CMTM4: variants seen among roughly 807,000 people sequenced by gnomAD.
CMTM4 encodes the protein CKLF-like MARVEL transmembrane domain-containing protein 4.
Under a neutral mutation model 19.0 loss-of-function variants are expected in CMTM4, and 8 were observed. The observed-to-expected ratio is 0.42, with a 90% CI of 0.25 to 0.76. The LOEUF is 0.76. Among genes scored for constraint, CMTM4 ranks in the 30% least tolerant of loss-of-function variants. CMTM4 has a pLI of 0.27. For synonymous variants in CMTM4, 106 were observed against 121.1 expected, an observed-to-expected ratio of 0.88 and a Z score of 0.82; for missense variants, 228 against 290.2, an observed-to-expected ratio of 0.79 and a Z score of 1.56.
intron 2 of CMTM4, among the ~76,000 whole-genome samples, chr16:66,631,154 CCGGGAGGGAGG>C (rs2015855498): frequency 6.6e-6 from 1 of 151,746 alleles, no homozygotes; most frequent in African/African-American, 2.4e-5. Flanking sequence ...GCCACCCCGT[CCGGGAGGGAGG>C]TGGGGGTCAG....
In CMTM4 at chr16:66,642,269, G is replaced by A. The variant is rs542559228; in HGVS notation, c.187-5688C>T. ...TATAACAACCTTGAAGTGAGCAAAT[G>A]TCACGTGAACAAATTATACAGAGAT... On this transcript the variant is annotated intron_variant, in intron 1 of 3. Coordinates refer to ENST00000394106, the MANE Select transcript of CMTM4 (RefSeq NM_181521.3). Among the ~76,000 whole-genome samples, 4 of 152,276 alleles carry A rather than the reference G, an allele frequency of 2.6e-5. No individual in the cohort carries two copies. In the South Asian group the frequency reaches 8.3e-4, roughly 32 times the overall value.
intron 2 of CMTM4, among the ~76,000 whole-genome samples, chr16:66,626,697 G>A (rs1040412948): frequency 2.0e-5 from 3 of 151,880 alleles, no homozygotes; most frequent in African/African-American, 7.3e-5. Flanking sequence ...GTGAATCCAG[G>A]AGGCAGAGGT....
chr16:66,683,427 G>A (rs1214629290), intron 1 of CMTM4, among the ~76,000 whole-genome samples: 1 of 148,684 alleles, frequency 6.7e-6, no homozygotes, highest in Non-Finnish European at 1.5e-5. Flanking sequence ...GAGCAGCTGG[G>A]ACTACAGGCG....
intron 2 of CMTM4, among the ~76,000 whole-genome samples, chr16:66,626,372 G>A (rs977644594): frequency 1.3e-5 from 2 of 152,228 alleles, no homozygotes; most frequent in Non-Finnish European, 2.9e-5. Context: ...GGGAGGCCAA[G>A]GTGAGTGGAC....
chr16:66,629,940 G>A (rs925336713), intron 2 of CMTM4, among the ~76,000 whole-genome samples: 3 of 152,184 alleles, frequency 2.0e-5, no homozygotes, highest in Non-Finnish European at 4.4e-5. Context: ...CCATGTGGCT[G>A]TTCCTGAGTT....
intron 1 of CMTM4, among the ~76,000 whole-genome samples, chr16:66,657,115 C>T (rs540029515): frequency 1.4e-5 from 2 of 146,700 alleles, no homozygotes; most frequent in South Asian, 4.3e-4. Context: ...GATGGAGTCT[C>T]GCTCTGTCAC....
At chr16:66,609,483 A>G in the CMTM4 span, 12 of 1,611,706 alleles carry the variant, frequency 7.4e-6, no homozygotes, top group South Asian at 1.1e-4. This position sits in a 1 kb window ranked among gnomAD's most constrained non-coding sequence, Gnocchi z 4.4. Flanking sequence ...TGCTATCTCC[A>G]TCACGGCCAT....
At chr16:66,680,503 G>A (rs2016890736) in intron 1 of CMTM4, among the ~76,000 whole-genome samples, 1 of 145,072 alleles carries the variant, frequency 6.9e-6, no homozygotes, top group Admixed American at 7.0e-5. Context: ...GGTCGGGCAT[G>A]GTGGCTCATG....
Position 66,618,039 on chromosome 16 carries a change from G to A in CMTM4, c.*4019C>T. On this transcript the variant is annotated 3_prime_UTR_variant, in exon 4 of 4. Transcript: ENST00000394106. ...CCTTATCTCCCAGACCTGGCCGTGT[G>A]TGGACCTCACCAGCCTACCAAGCTG... The A allele has an allele frequency of 1.2e-5, 12 of 985,620 alleles. No homozygotes were observed. Among genetic ancestry groups the A allele is most frequent in the Non-Finnish European group, 1.3e-5 (11 of 830,058 alleles). 61.1% of individuals were successfully genotyped at this position (985,620 alleles called of 1,614,324 possible).
At chr16:66,647,574 GGA>G (rs1567415099) in intron 1 of CMTM4, among the ~76,000 whole-genome samples, 3 of 152,208 alleles carry the variant, frequency 2.0e-5, no homozygotes, top group African/African-American at 7.2e-5. Flanking sequence ...AGGAGACTGG[GGA>G]AGAAGTTGGA....
At chr16:66,609,368 G>A in the CMTM4 span, 1 of 1,411,376 alleles carries the variant, frequency 7.1e-7, no homozygotes, top group South Asian at 1.2e-5. The surrounding 1 kb of genome is among the most constrained non-coding windows in gnomAD (Gnocchi z 4.4). Flanking sequence ...CGACCAGGCT[G>A]CCAGGCCTCC....
chr16:66,696,418 C>A lies in CMTM4; in HGVS notation c.108G>T (p.Gln36His). The change falls in exon 1 of 4, where the codon CAG becomes CAT. Residue 36 changes from glutamine (Q) to histidine (H), a missense_variant. By Grantham distance (24) the Gln-to-His change is conservative (BLOSUM62 0). This residue lies in a region of CMTM4 where 200 missense variants were observed against 226.6 expected (regional missense o/e 0.88). Coordinates refer to ENST00000394106, the MANE Select transcript of CMTM4 (RefSeq NM_181521.3). The surrounding 1 kb of genome is among the most constrained non-coding windows in gnomAD (Gnocchi z 4.3). ...PYQPTTEPVS[Q>H]RRGLAGLRCD... ...AGCGCAGGCCGGCCAGCCCGCGGCG[C>A]TGGCTCACCGGCTCGGTGGTGGGCT... 1 of 1,402,740 alleles carries A rather than the reference C, an allele frequency of 7.1e-7. No individual in the cohort carries two copies. The highest frequency in any genetic ancestry group is 1.4e-5 in the South Asian group (1 of 69,568). The allele number at this position is 1,402,740 out of a possible 1,614,324, so 86.9% of individuals were successfully genotyped here. A position where few individuals can be genotyped will look rare whatever the true frequency, so the allele number is the denominator to read the frequency against.
chr16:66,691,527 C>T (rs888396571), intron 1 of CMTM4, among the ~76,000 whole-genome samples: 6 of 152,070 alleles, frequency 3.9e-5, no homozygotes, highest in African/African-American at 1.4e-4. Context: ...ACAGGGAGAC[C>T]CTATCTCTAC....
chr16:66,688,836 T>G (rs2144922111), intron 1 of CMTM4, among the ~76,000 whole-genome samples: 1 of 152,348 alleles, frequency 6.6e-6, no homozygotes. Context: ...TTTTGTAGTT[T>G]TCAGTGAGCA....
At chr16:66,625,445 A>G (rs968778777) in intron 2 of CMTM4, among the ~76,000 whole-genome samples, 2 of 151,950 alleles carry the variant, frequency 1.3e-5, no homozygotes, top group Non-Finnish European at 2.9e-5. Context: ...AAAAAAAAAA[A>G]AAAAGAAAAA....
chr16:66,671,853 C>T (rs2144882508), intron 1 of CMTM4, among the ~76,000 whole-genome samples: 1 of 150,938 alleles, frequency 6.6e-6, no homozygotes, highest in Non-Finnish European at 1.5e-5. Flanking sequence ...CCGGTCTCTA[C>T]AAAAAAATAT....
chr16:66,683,146 T>TAC (rs1341520062), intron 1 of CMTM4, among the ~76,000 whole-genome samples: 7 of 123,732 alleles, frequency 5.7e-5, no homozygotes, highest in Admixed American at 9.2e-5. Flanking sequence ...TATATATATA[T>TAC]GTATATATAT....
At chr16:66,604,799 C>T in the CMTM4 span, 137 of 1,249,250 alleles carry the variant, frequency 1.1e-4, no homozygotes, top group Non-Finnish European at 1.4e-4. Flanking sequence ...CTACCGCCGC[C>T]GCCGCCATGT....
chr16:66,687,268 G>A (rs891405016), intron 1 of CMTM4, among the ~76,000 whole-genome samples: 29 of 151,346 alleles, frequency 1.9e-4, no homozygotes, highest in Admixed American at 3.3e-4. Context: ...GTCATGAAAA[G>A]TTAAAGATTA....
Sources: gnomAD v4.1 joint callset for allele counts (sites outside exome capture counted in the v4.1 genomes callset) on GRCh38, gnomAD v4.1.1 for gene constraint, gnomAD v4.1.1 regional missense constraint, Gnocchi (gnomAD v3.1) non-coding constraint, MANE v1.5 for transcripts, NCBI Gene and HGNC (gene_info 2026-07-23, HGNC 2026-07-21) for gene names.